Variants in KCNU1 observed in about 807,000 individuals in gnomAD.
The protein encoded by KCNU1 is potassium calcium-activated channel subfamily U member 1.
In KCNU1, 93 loss-of-function variants were observed where a neutral mutation model predicts 126.8. That is an observed-to-expected ratio of 0.73 (90% CI 0.62 to 0.87). The LOEUF (loss-of-function observed/expected upper bound fraction) is 0.87. KCNU1 is among the 40% of genes least tolerant of loss of function. KCNU1 has a pLI of 0.00. For synonymous variants in KCNU1, 523 were observed against 494.2 expected (o/e 1.06, Z -0.77); for missense variants, 1,330 against 1,367.1 (o/e 0.97, Z 0.43).
chr8:36,837,013 G>A, intron 14 of KCNU1, 68 bp downstream of exon 14: 1 of 1,518,862 alleles, frequency 6.6e-7, no homozygotes, highest in Admixed American at 1.8e-5. Flanking sequence ...ATCAGAAATA[G>A]GAAAAAAATT....
intron 19 of KCNU1, chr8:36,889,038 C>T (rs1806842498): frequency 2.1e-6 from 1 of 475,760 alleles, no homozygotes. Context: ...ACCACCATGC[C>T]CAGCTAATTA....
intron 16 of KCNU1, among the ~76,000 whole-genome samples, chr8:36,843,565 C>A (rs1805032763): frequency 1.3e-5 from 2 of 152,192 alleles, no homozygotes; most frequent in Admixed American, 6.5e-5. Flanking sequence ...ACCCAAGTGG[C>A]AGAGCCAGGA....
intron 18 of KCNU1, among the ~76,000 whole-genome samples, chr8:36,850,455 CT>C (rs35954286): frequency 8.5e-4 from 122 of 143,828 alleles, no homozygotes; most frequent in Middle Eastern, 3.6e-3. Context: ...AATCGGTGAT[CT>C]TTTTTTTTTT....
chr8:36,917,787 G>C (rs1207636578), intron 22 of KCNU1, among the ~76,000 whole-genome samples: 1 of 152,110 alleles, frequency 6.6e-6, no homozygotes, highest in Non-Finnish European at 1.5e-5. Context: ...CCTGTTTTGG[G>C]GTCGAGTCTC....
In KCNU1 at chr8:36,817,656, T is replaced by C; in HGVS notation, c.1002T>C (p.Ile334=). ...SYEALKGKKF[I]VVCGNITVDS... ...ACCTGTTTTTGCTGCCTAGGTTTAT[T>C]GTGGTCTGTGGAAACATCACTGTGG... The change falls in exon 10 of 27, where the codon ATT becomes ATC. Residue 334 remains isoleucine (I), a synonymous_variant. Transcript: ENST00000399881. The C allele has an allele frequency of 6.2e-7, 1 of 1,601,782 alleles. No homozygotes were observed. Among genetic ancestry groups the C allele is most frequent in the Non-Finnish European group, 8.6e-7 (1 of 1,168,898 alleles).
intron 2 of KCNU1, among the ~76,000 whole-genome samples, chr8:36,800,832 G>A (rs1803276681): frequency 6.6e-6 from 1 of 152,234 alleles, no homozygotes; most frequent in South Asian, 2.1e-4. Context: ...AAAGGAAAGT[G>A]TTATTGGAAG....
At chr8:36,830,628 A>C (rs1804501049) in intron 10 of KCNU1, among the ~76,000 whole-genome samples, 1 of 152,076 alleles carries the variant, frequency 6.6e-6, no homozygotes, top group African/African-American at 2.4e-5. Flanking sequence ...GTAGAAGTTA[A>C]ACGCGAAACC....
At chr8:36,804,707 A>C (rs1206909981) in intron 3 of KCNU1, among the ~76,000 whole-genome samples, 2 of 152,210 alleles carry the variant, frequency 1.3e-5, no homozygotes, top group Admixed American at 1.3e-4. Context: ...GGCCACAGAA[A>C]GCCAAGCAAC....
intron 19 of KCNU1, among the ~76,000 whole-genome samples, chr8:36,875,388 C>T (rs1806243834): frequency 6.7e-6 from 1 of 148,310 alleles, no homozygotes; most frequent in South Asian, 2.1e-4. Context: ...ATATATATTA[C>T]AGATATATAA....
chr8:36,827,531 T>C lies in KCNU1; in HGVS notation c.1107-6023T>C, dbSNP rs12677095. Among the ~76,000 whole-genome samples, 1,704 of 152,300 alleles carry C rather than the reference T, an allele frequency of 0.011. 194 individuals are homozygous for C. In the East Asian group the frequency reaches 0.25, roughly 22 times the overall value. On this transcript the variant is annotated intron_variant, in intron 10 of 26. Transcript: ENST00000399881. ...TTCTCTCAGGTTTTGGCCTGATAAC[T>C]CTTCATTGTCTGCTTATATAATTGA...
chr8:36,862,520 A>G (rs1379552270), intron 18 of KCNU1, among the ~76,000 whole-genome samples: 1 of 152,184 alleles, frequency 6.6e-6, no homozygotes, highest in Non-Finnish European at 1.5e-5. Flanking sequence ...GTCAACACCA[A>G]TCAGAAACAT....
Position 36,797,607 on chromosome 8 carries a change from C to T in KCNU1, c.316-6420C>T, listed in dbSNP as rs1803147922. ...TTATGTACCAGTTTTTCTTACATAACACACTATTTCTTTCTGAATGTTTCT... is the reference window on the plus strand; with the variant it reads ...TTATGTACCAGTTTTTCTTACATAATACACTATTTCTTTCTGAATGTTTCT... On this transcript the variant is annotated intron_variant, in intron 2 of 26. Transcript: ENST00000399881. Among the ~76,000 whole-genome samples, 5 of 151,626 alleles carry T rather than the reference C, an allele frequency of 3.3e-5. No individual in the cohort carries two copies. In the South Asian group the frequency reaches 1.0e-3, roughly 32 times the overall value.
chr8:36,901,770 C>A (rs1383131129), intron 19 of KCNU1, among the ~76,000 whole-genome samples: 2 of 152,100 alleles, frequency 1.3e-5, no homozygotes, highest in African/African-American at 4.8e-5. Flanking sequence ...AGGGAACCAA[C>A]CCCACTATTA....
intron 12 of KCNU1, among the ~76,000 whole-genome samples, chr8:36,835,716 G>A (rs113012611): frequency 6.6e-6 from 1 of 152,130 alleles, no homozygotes; most frequent in African/African-American, 2.4e-5. Flanking sequence ...TAGCAAGAAC[G>A]TGACTTGTGA....
At chr8:36,913,637 T>G (rs1318112197) in intron 22 of KCNU1, among the ~76,000 whole-genome samples, 1 of 149,360 alleles carries the variant, frequency 6.7e-6, no homozygotes, top group Non-Finnish European at 1.5e-5. Context: ...AGTCTTACTC[T>G]GTCACCCAGG....
intron 24 of KCNU1, among the ~76,000 whole-genome samples, chr8:36,930,292 C>G (rs532336289): frequency 6.8e-4 from 103 of 152,228 alleles, no homozygotes; most frequent in African/African-American, 2.5e-3. Context: ...ATTATTCAGA[C>G]TCAAGCTCAT....
intron 2 of KCNU1, among the ~76,000 whole-genome samples, chr8:36,792,405 C>A (rs938042955): frequency 1.3e-5 from 2 of 152,154 alleles, no homozygotes; most frequent in African/African-American, 4.8e-5. Context: ...AAAATTAGAT[C>A]TGAATTCAAG....
intron 16 of KCNU1, among the ~76,000 whole-genome samples, chr8:36,843,680 T>C (rs989395729): frequency 3.3e-5 from 5 of 152,222 alleles, no homozygotes; most frequent in African/African-American, 1.2e-4. Flanking sequence ...GTTTAAATAG[T>C]TGGACTTTAA....
Position 36,871,105 on chromosome 8 carries a change from G to T in KCNU1, c.2009+6584G>T, listed in dbSNP as rs539024633. Among the ~76,000 whole-genome samples, 6 of 152,208 alleles carry T rather than the reference G, an allele frequency of 3.9e-5. No individual in the cohort carries two copies. The East Asian group carries it at 1.2e-3, about 29-fold the overall frequency. On this transcript the variant is annotated intron_variant, in intron 19 of 26. Transcript: ENST00000399881. ...ATAGCAAGACCAAAGAAGACAGCAG[G>T]ACTAAATATATTCTCATATAATTAT...
Sources: gnomAD v4.1 joint callset for allele counts (sites outside exome capture counted in the v4.1 genomes callset) on GRCh38, gnomAD v4.1.1 for gene constraint, MANE v1.5 for transcripts, NCBI Gene and HGNC (gene_info 2026-07-23, HGNC 2026-07-21) for gene names.